The following HEPHL1 variants were observed in gnomAD, a reference collection of about 807,000 sequenced individuals.
The protein encoded by HEPHL1 is hephaestin like 1.
HEPHL1 carries 123 observed loss-of-function variants against 122.0 expected under a neutral mutation model. That is an observed-to-expected ratio of 1.01 (90% CI 0.87 to 1.17). The LOEUF is 1.17. Ranked by LOEUF, HEPHL1 falls within the 50% of genes most tolerant of loss-of-function variation. HEPHL1 has a pLI of 0.00. For synonymous variants in HEPHL1, 527 were observed against 508.9 expected, an observed-to-expected ratio of 1.04 and a Z score of -0.48; for missense variants, 1,452 against 1,430.5, an observed-to-expected ratio of 1.01 and a Z score of -0.24.
intron 1 of HEPHL1, among the ~76,000 whole-genome samples, chr11:94,034,609 A>G (rs1282904325): frequency 1.4e-4 from 22 of 152,196 alleles, no homozygotes; most frequent in Admixed American, 1.4e-3. Context: ...TGTAAACCCT[A>G]TTTGTCAGCA....
intron 6 of HEPHL1, among the ~76,000 whole-genome samples, chr11:94,072,790 G>A (rs553761230): frequency 2.8e-4 from 43 of 152,070 alleles, no homozygotes; most frequent in Non-Finnish European, 5.4e-4. Flanking sequence ...TTCAGTGCTG[G>A]ACCTCTTGGG....
intron 17 of HEPHL1, among the ~76,000 whole-genome samples, chr11:94,109,346 T>G (rs1240098553): frequency 3.3e-5 from 5 of 152,168 alleles, no homozygotes; most frequent in African/African-American, 1.2e-4. Flanking sequence ...TGTCTTTTAT[T>G]TCTTTTGTCT....
Position 94,067,665 on chromosome 11 carries a change from C to G in HEPHL1, c.978C>G (p.Phe326Leu). The G allele has an allele frequency of 6.2e-7, 1 of 1,613,738 alleles. No individual in the cohort carries two copies. Among genetic ancestry groups the G allele is most frequent in the East Asian group, 2.2e-5 (1 of 44,874 alleles). Residue 326 changes from phenylalanine (F) to leucine (L), a missense_variant, in exon 5 of 20, where the codon TTC becomes TTG. Transcript: ENST00000315765. ...RGHRTDVVNL[F>L]PATFLTTEMI... is the part of the protein sequence containing the mutation. ...ATCGGACTGATGTCGTCAACCTGTT[C>G]CCAGCCACCTTCCTTACAACAGAAA...
At chr11:94,056,730 C>A (rs181479906) in intron 2 of HEPHL1, among the ~76,000 whole-genome samples, 1 of 151,676 alleles carries the variant, frequency 6.6e-6, no homozygotes, top group East Asian at 1.9e-4. Context: ...CTAAATAAAC[C>A]CAGCAATACG....
chr11:94,104,028 A>G (rs1946390157), intron 15 of HEPHL1, among the ~76,000 whole-genome samples: 1 of 152,234 alleles, frequency 6.6e-6, no homozygotes, highest in African/African-American at 2.4e-5. Context: ...CACACTTGTA[A>G]CTGTAATAGA....
chr11:94,041,962 C>G (rs1246347500), intron 1 of HEPHL1, among the ~76,000 whole-genome samples: 2 of 76,296 alleles, frequency 2.6e-5, no homozygotes, highest in Non-Finnish European at 5.0e-5. Context: ...AGAAAATTTT[C>G]GCAACCTACT....
rs375239799 is a variant in HEPHL1 at position 94,075,218 on chromosome 11, A to G, written c.1549A>G (p.Thr517Ala). The G allele has an allele frequency of 1.6e-4, 259 of 1,613,286 alleles. No homozygotes were observed. The highest frequency in any genetic ancestry group is 6.6e-4 in the Middle Eastern group (4 of 6,078). ...GCATGTTAAACCAGGTGAAACCTTC[A>G]CATACAAGTGGACAGTGCCTGAGAG... ...GAHVKPGETF[T>A]YKWTVPESVS... Residue 517 changes from threonine to alanine, a missense_variant, in exon 9 of 20, where the codon ACA (threonine) becomes GCA (alanine). Transcript: ENST00000315765.
intron 4 of HEPHL1, among the ~76,000 whole-genome samples, chr11:94,064,821 T>G (rs1242552243): frequency 6.6e-6 from 1 of 152,172 alleles, no homozygotes; most frequent in East Asian, 1.9e-4. Context: ...GCCCAGAGCA[T>G]GGGTGGGCTT....
At chr11:94,105,500 T>C (rs1591490310) in intron 16 of HEPHL1, among the ~76,000 whole-genome samples, 2 of 152,182 alleles carry the variant, frequency 1.3e-5, no homozygotes, top group African/African-American at 4.8e-5. Context: ...TCAGTTTGCT[T>C]TGGTCATTGT....
intron 1 of HEPHL1, among the ~76,000 whole-genome samples, chr11:94,037,011 C>T (rs368548356): frequency 2.0e-4 from 30 of 152,240 alleles, no homozygotes; most frequent in East Asian, 3.9e-4. Flanking sequence ...AGTGGGTGCG[C>T]GCACCGTGCA....
At chr11:94,050,428 C>T (rs1025374748) in intron 2 of HEPHL1, among the ~76,000 whole-genome samples, 2 of 152,046 alleles carry the variant, frequency 1.3e-5, no homozygotes, top group African/African-American at 2.4e-5. Flanking sequence ...AGGAAGAAAG[C>T]ATTTTGTCTT....
chr11:94,088,870 A>G lies in HEPHL1; in HGVS notation c.2196A>G (p.Ile732Met), dbSNP rs1946240027. The G allele has an allele frequency of 2.5e-6, 4 of 1,614,012 alleles. No homozygotes were observed. The Admixed American group carries it at 6.7e-5, about 27-fold the overall frequency. ...CTTCTGAGCAGCGGTACGGGATGAT[A>G]AGAACTTTTTACATCGCCGCTGAAG... ...RDPSEQRYGM[I>M]RTFYIAAEEV... is the part of the protein sequence containing the mutation. The change falls in exon 12 of 20, where the codon ATA becomes ATG. Residue 732 changes from isoleucine to methionine, a missense_variant. Transcript: ENST00000315765.
At position 94,088,858 on chromosome 11, in the gene HEPHL1, G is replaced by A; in HGVS notation, c.2184G>A (p.Arg728=). The A allele has an allele frequency of 6.2e-7, 1 of 1,613,998 alleles. No individual in the cohort carries two copies. The highest frequency in any genetic ancestry group is 1.1e-5 in the South Asian group (1 of 91,080). ...SCDNRDPSEQ[R]YGMIRTFYIA... The stretch of plus-strand genomic sequence containing the variant: ...ACAACAGGGACCCTTCTGAGCAGCG[G>A]TACGGGATGATAAGAACTTTTTACA... Residue 728 remains arginine (R), a synonymous_variant, in exon 12 of 20, where the codon CGG becomes CGA. Coordinates refer to ENST00000315765, the MANE Select transcript of HEPHL1 (RefSeq NM_001098672.2).
chr11:94,048,816 T>G (rs2134417665), intron 2 of HEPHL1, among the ~76,000 whole-genome samples: 1 of 152,230 alleles, frequency 6.6e-6, no homozygotes, highest in South Asian at 2.1e-4. Flanking sequence ...AGTGTGTTGG[T>G]TTATCTCATA....
At chr11:94,086,332 A>G in intron 11 of HEPHL1, 143 bp downstream of exon 11, 1 of 653,240 alleles carries the variant, frequency 1.5e-6, no homozygotes, top group East Asian at 2.7e-5. Context: ...GAATCAGAGA[A>G]TCCTGACTTA....
Position 94,112,004 on chromosome 11 carries a change from A to T in HEPHL1, c.*110A>T. ...ACTCACCAAGGAAGGTTGACACTGT[A>T]TCCTGGATCAGCCTTCTGATCCTCT... On this transcript the variant is annotated 3_prime_UTR_variant, in exon 20 of 20. Transcript: ENST00000315765. The T allele has an allele frequency of 1.5e-6, 1 of 689,448 alleles. No homozygotes were observed. The highest frequency in any genetic ancestry group is 2.8e-5 in the Admixed American group (1 of 36,204). The allele number at this position is 689,448 out of a possible 1,614,324, so 42.7% of individuals were successfully genotyped here. A position where few individuals can be genotyped will look rare whatever the true frequency, so the allele number is the denominator to read the frequency against.
rs200181531 is a variant in HEPHL1, at chr11:94,111,039, C to T, written c.3182C>T (p.Thr1061Ile). 211 of 1,603,430 alleles carry T rather than the reference C, an allele frequency of 1.3e-4. 1 individual carries two copies. In the African/African-American group the frequency reaches 2.5e-3, roughly 19 times the overall value. ...VSDHIHAGME[T>I]TYTVLRNIDN... ...GACCACATCCATGCTGGCATGGAGA[C>T]AACCTACACGGTCCTTCGTAACATA... Residue 1061 changes from threonine to isoleucine, a missense_variant, in exon 18 of 20, where the codon ACA becomes ATA. Physicochemically the swap from Thr to Ile is moderately conservative, Grantham distance 89. Transcript: ENST00000315765.
At chr11:94,110,881 G>GT in intron 17 of HEPHL1, 22 bp from the exon 18 acceptor site, 1 of 1,598,918 alleles carries the variant, frequency 6.3e-7, no homozygotes, top group Non-Finnish European at 8.5e-7. Flanking sequence ...ACTAGCTGTT[G>GT]TTTTTTAAAA....
intron 13 of HEPHL1, among the ~76,000 whole-genome samples, chr11:94,098,946 C>T (rs1221562937): frequency 5.3e-5 from 8 of 152,238 alleles, no homozygotes; most frequent in Middle Eastern, 3.4e-3. Context: ...AGCTTCTTTG[C>T]GATGGGTTCG....
Sources: allele counts gnomAD v4.1 joint callset (sites outside exome capture counted in the v4.1 genomes callset), GRCh38; gene constraint gnomAD v4.1.1; transcripts MANE v1.5; gene names NCBI Gene and HGNC (gene_info 2026-07-23, HGNC 2026-07-21).